The following CREBRF variants were observed in gnomAD, a reference collection of about 807,000 sequenced individuals.
CREBRF encodes CREB3 regulatory factor, also known as UPF0474 protein C5orf41.
Under a neutral mutation model 66.1 loss-of-function variants are expected in CREBRF, and 5 were observed. That is an observed-to-expected ratio of 0.08 (90% CI 0.04 to 0.16). The LOEUF (loss-of-function observed/expected upper bound fraction) is 0.16, where lower values mean the gene tolerates loss of function less well. Ranked by LOEUF, CREBRF falls within the 10% of genes least tolerant of loss-of-function variation. CREBRF has a pLI of 1.00. For missense variants in CREBRF, 531 were observed against 744.9 expected, an observed-to-expected ratio of 0.71 and a Z score of 3.34; for synonymous variants, 229 against 264.4, an observed-to-expected ratio of 0.87 and a Z score of 1.30.
intron 1 of CREBRF, among the ~76,000 whole-genome samples, chr5:173,060,949 A>G (rs1757251705): frequency 6.6e-6 from 1 of 152,068 alleles, no homozygotes; most frequent in Non-Finnish European, 1.5e-5. Flanking sequence ...CTGTTGTAAG[A>G]CATCAGTCAT....
At chr5:173,085,145 A>G (rs1758106689) in intron 2 of CREBRF, among the ~76,000 whole-genome samples, 1 of 147,092 alleles carries the variant, frequency 6.8e-6, no homozygotes, top group South Asian at 2.2e-4. Context: ...GTTTTGCCAT[A>G]TTGGCCAGCC....
At chr5:173,058,536 A>G (rs557625879) in intron 1 of CREBRF, among the ~76,000 whole-genome samples, 5 of 145,708 alleles carry the variant, frequency 3.4e-5, no homozygotes, top group Admixed American at 2.7e-4. Flanking sequence ...CAGGCTGGAG[A>G]GCAGTGGCCA....
chr5:173,098,844 CCTT>C (rs956018929), intron 4 of CREBRF, among the ~76,000 whole-genome samples: 9 of 151,526 alleles, frequency 5.9e-5, no homozygotes, highest in East Asian at 1.9e-4. Flanking sequence ...TATATAAAGA[CCTT>C]CTTTGTCTTG....
At chr5:173,121,514 GGGTTTCACCGTGTTAGCCA>G (rs1407684208) in intron 7 of CREBRF, among the ~76,000 whole-genome samples, 1 of 151,970 alleles carries the variant, frequency 6.6e-6, no homozygotes, top group Non-Finnish European at 1.5e-5. Context: ...AGTAGAGACA[GGGTTTCACCGTGTTAGCCA>G]GGTTGGTCTC....
At chr5:173,077,749 C>T (rs947811788) in intron 1 of CREBRF, among the ~76,000 whole-genome samples, 1 of 152,138 alleles carries the variant, frequency 6.6e-6, no homozygotes, top group African/African-American at 2.4e-5. Flanking sequence ...TAAATAAAAA[C>T]TATCCCAGCC....
rs779316121 is a variant in CREBRF, at chr5:173,091,335, G to A, written c.1156G>A (p.Glu386Lys). 5 of 1,613,304 alleles carry A rather than the reference G, an allele frequency of 3.1e-6. No individual in the cohort carries two copies. ...EHELSENEEE[E>K]EEEEDYEDDK... is the part of the protein sequence containing the mutation. ...TGAACTGTCTGAAAATGAGGAGGAG[G>A]AAGAAGAGGAAGAGGATTATGAAGA... is the stretch of plus-strand genomic sequence containing the variant. The change falls in exon 4 of 9, where the codon GAA becomes AAA. Residue 386 changes from glutamate to lysine, a missense_variant. Glu to Lys is a moderately conservative substitution (Grantham distance 56). This residue lies in a region of CREBRF where 309 missense variants were observed against 341.4 expected (regional missense o/e 0.90). Transcript: ENST00000296953.
intron 6 of CREBRF, 127 bp downstream of exon 6, chr5:173,110,838 T>A: frequency 1.5e-6 from 1 of 666,532 alleles, no homozygotes; most frequent in Non-Finnish European, 2.3e-6. Context: ...AATGAGAATA[T>A]TATAATTTTT....
intron 7 of CREBRF, among the ~76,000 whole-genome samples, chr5:173,117,848 T>C (rs938970595): frequency 1.9e-4 from 29 of 148,914 alleles, no homozygotes; most frequent in South Asian, 2.1e-4. Context: ...GTAGCTGGGA[T>C]TACAGGTGTG....
chr5:173,069,899 AG>A (rs1184899111), intron 1 of CREBRF, among the ~76,000 whole-genome samples: 1 of 151,140 alleles, frequency 6.6e-6, no homozygotes, highest in Non-Finnish European at 1.5e-5. Context: ...GAAAGGAGGA[AG>A]GAAACAATTT....
intron 1 of CREBRF, among the ~76,000 whole-genome samples, chr5:173,066,535 C>G (rs1757441628): frequency 6.6e-6 from 1 of 152,062 alleles, no homozygotes; most frequent in African/African-American, 2.4e-5. Flanking sequence ...AAAATTCAAC[C>G]AATTTTGAGT....
intron 4 of CREBRF, among the ~76,000 whole-genome samples, chr5:173,108,057 C>T (rs1453174508): frequency 6.6e-6 from 1 of 151,736 alleles, no homozygotes; most frequent in African/African-American, 2.4e-5. Context: ...GTCTCAAACT[C>T]CTGACCTCAA....
intron 8 of CREBRF, among the ~76,000 whole-genome samples, chr5:173,133,318 C>T (rs1044704681): frequency 9.2e-5 from 14 of 152,306 alleles, no homozygotes; most frequent in African/African-American, 3.4e-4. Context: ...GAAGCAGTGC[C>T]TGTCGGCAGC....
intron 4 of CREBRF, among the ~76,000 whole-genome samples, chr5:173,098,214 G>A (rs1291410938): frequency 1.4e-5 from 2 of 145,708 alleles, no homozygotes; most frequent in African/African-American, 2.5e-5. Flanking sequence ...TTGACATGGA[G>A]TCTCGCTCTG....
At position 173,139,212 on chromosome 5, in the gene CREBRF, T is replaced by C. The variant is rs1759655069; in HGVS notation, c.*5467T>C. ...TGTCACCTTCCAACCCCTGAGCACT[T>C]CTAGTCAGATACAGATTCATCAGTG... On this transcript the variant is annotated 3_prime_UTR_variant, in exon 9 of 9. Transcript: ENST00000296953. The C allele has an allele frequency of 6.6e-6, 1 of 152,218 alleles. No individual in the cohort carries two copies. The highest frequency in any genetic ancestry group is 3.2e-3 in the Middle Eastern group (1 of 316). 9.4% of individuals were successfully genotyped at this position (152,218 alleles called of 1,614,324 possible).
intron 3 of CREBRF, among the ~76,000 whole-genome samples, chr5:173,088,121 A>G (rs760817598): frequency 3.3e-5 from 5 of 151,660 alleles, no homozygotes; most frequent in Non-Finnish European, 7.4e-5. Context: ...GGCCTTAAAC[A>G]TTGCTTTTAG....
Position 173,090,939 on chromosome 5 carries a change from C to A in CREBRF, c.760C>A (p.Gln254Lys). The A allele has an allele frequency of 6.2e-7, 1 of 1,614,148 alleles. No homozygotes were observed. Among genetic ancestry groups the A allele is most frequent in the Non-Finnish European group, 8.5e-7 (1 of 1,180,030 alleles). ...PVQQSRPLLSQIHTDAAKENT... is the reference protein window; with the variant it reads ...PVQQSRPLLSKIHTDAAKENT... The stretch of plus-strand genomic sequence containing the variant: ...GCAACAGAGCCGGCCCTTGTTGAGC[C>A]AGATTCACACAGATGCAGCAAAGGA... The change falls in exon 4 of 9, where the codon CAG becomes AAG. Residue 254 changes from glutamine (Q) to lysine (K), a missense_variant. Gln to Lys is a moderately conservative substitution (Grantham distance 53). This residue lies in a region of CREBRF where 309 missense variants were observed against 341.4 expected (regional missense o/e 0.90). Transcript: ENST00000296953. This position sits in a 1 kb window ranked among gnomAD's most constrained non-coding sequence, Gnocchi z 4.5.
chr5:173,069,003 T>G (rs1561792422), intron 1 of CREBRF, among the ~76,000 whole-genome samples: 2 of 150,588 alleles, frequency 1.3e-5, no homozygotes, highest in Non-Finnish European at 3.0e-5. Context: ...ACCTGGGAGG[T>G]GGAGGTTGCA....
At chr5:173,121,049 C>T (rs896239526) in intron 7 of CREBRF, among the ~76,000 whole-genome samples, 3 of 152,016 alleles carry the variant, frequency 2.0e-5, no homozygotes, top group Non-Finnish European at 4.4e-5. Context: ...GTTCATTTCA[C>T]CCAAGTTGTT....
At chr5:173,112,472 T>A in intron 7 of CREBRF, 93 bp downstream of exon 7, 1 of 878,382 alleles carries the variant, frequency 1.1e-6, no homozygotes, top group Non-Finnish European at 1.8e-6. Context: ...TTCGCTGTAT[T>A]CTGCCTAGTT....
Sources: gnomAD v4.1 joint callset for allele counts (sites outside exome capture counted in the v4.1 genomes callset) on GRCh38, gnomAD v4.1.1 for gene constraint, gnomAD v4.1.1 regional missense constraint, Gnocchi (gnomAD v3.1) non-coding constraint, MANE v1.5 for transcripts, NCBI Gene and HGNC (gene_info 2026-07-23, HGNC 2026-07-21) for gene names.